Variants in MACROD2 observed in about 807,000 individuals in gnomAD.
MACROD2 encodes mono-ADP ribosylhydrolase 2, also known as ADP-ribose glycohydrolase MACROD2.
Under a neutral mutation model 70.4 loss-of-function variants are expected in MACROD2, and 36 were observed. The ratio of observed to expected loss-of-function variants is 0.51; its 90% CI spans 0.39 to 0.68. The LOEUF is 0.68. Among genes scored for constraint, MACROD2 ranks in the 30% least tolerant of loss-of-function variants. The pLI is 0.00. For missense variants in MACROD2, 496 were observed against 538.4 expected (o/e 0.92, Z 0.78); for synonymous variants, 172 against 178.8 (o/e 0.96, Z 0.30).
At chr20:15,863,927 T>C (rs1180826515) in intron 9 of MACROD2, among the ~76,000 whole-genome samples, 3 of 152,216 alleles carry the variant, frequency 2.0e-5, no homozygotes, top group African/African-American at 7.2e-5. Flanking sequence ...AATTTTATAA[T>C]TGAAAGCTGG....
intron 5 of MACROD2, among the ~76,000 whole-genome samples, chr20:15,017,310 T>C (rs890506951): frequency 1.1e-4 from 16 of 152,302 alleles, no homozygotes; most frequent in South Asian, 2.1e-4. Flanking sequence ...AGCTCCAAAA[T>C]GATCTCTTTT....
chr20:15,182,294 C>T (rs1179832446), intron 5 of MACROD2, among the ~76,000 whole-genome samples: 1 of 151,956 alleles, frequency 6.6e-6, no homozygotes, highest in African/African-American at 2.4e-5. Flanking sequence ...GTTGTTGGAG[C>T]AATAAAGCTA....
chr20:15,926,027 A>G (rs1252100855), intron 10 of MACROD2, among the ~76,000 whole-genome samples: 1 of 152,136 alleles, frequency 6.6e-6, no homozygotes, highest in African/African-American at 2.4e-5. Context: ...ATGCTGCACC[A>G]CCTTCCCAGA....
chr20:14,063,106 A>G (rs544238084), intron 2 of MACROD2, among the ~76,000 whole-genome samples: 1 of 152,306 alleles, frequency 6.6e-6, no homozygotes, highest in Non-Finnish European at 1.5e-5. Flanking sequence ...ATAGGTCTTT[A>G]TATTATAGTG....
At chr20:14,442,719 G>T (rs2084138068) in intron 3 of MACROD2, among the ~76,000 whole-genome samples, 1 of 152,006 alleles carries the variant, frequency 6.6e-6, no homozygotes, top group Admixed American at 6.6e-5. Flanking sequence ...CTATAACCTG[G>T]CCTTGCTTGG....
chr20:15,580,805 G>A (rs546820959), intron 8 of MACROD2, among the ~76,000 whole-genome samples: 2 of 152,290 alleles, frequency 1.3e-5, no homozygotes, highest in African/African-American at 2.4e-5. Context: ...TTCTTCTTAG[G>A]GGAAAGGGGA....
intron 3 of MACROD2, among the ~76,000 whole-genome samples, chr20:14,117,999 T>C (rs1224404065): frequency 6.6e-6 from 1 of 152,196 alleles, no homozygotes; most frequent in East Asian, 1.9e-4. Flanking sequence ...CTCACCGTAG[T>C]CATGATTATG....
chr20:14,773,254 A>G (rs151174710), intron 5 of MACROD2, among the ~76,000 whole-genome samples: 12 of 152,106 alleles, frequency 7.9e-5, no homozygotes, highest in Admixed American at 7.9e-4. Context: ...TGAATATCTG[A>G]TAGATGTATT....
At chr20:15,447,760 A>C (rs2046588395) in intron 7 of MACROD2, among the ~76,000 whole-genome samples, 1 of 152,138 alleles carries the variant, frequency 6.6e-6, no homozygotes, top group Non-Finnish European at 1.5e-5. Context: ...AGGACACTGG[A>C]AACATGGGGT....
At chr20:15,481,645 A>T (rs1441145999) in intron 7 of MACROD2, among the ~76,000 whole-genome samples, 1 of 152,170 alleles carries the variant, frequency 6.6e-6, no homozygotes, top group Non-Finnish European at 1.5e-5. Flanking sequence ...GCCTACTCTC[A>T]TGCTTTCGTT....
chr20:14,180,946 A>T (rs2081300338), intron 3 of MACROD2, among the ~76,000 whole-genome samples: 1 of 144,406 alleles, frequency 6.9e-6, no homozygotes, highest in African/African-American at 2.6e-5. Context: ...TCATACTTTG[A>T]CTTGGAAGAA....
intron 2 of MACROD2, among the ~76,000 whole-genome samples, chr20:14,046,508 T>C (rs950252192): frequency 2.0e-5 from 3 of 152,154 alleles, no homozygotes; most frequent in Admixed American, 6.5e-5. Context: ...AGTTTCAGTA[T>C]GCCTTTCTCC....
intron 10 of MACROD2, chr20:15,893,657 T>C (rs2147224996): frequency 2.2e-6 from 1 of 455,852 alleles, no homozygotes; most frequent in Non-Finnish European, 4.4e-6. Context: ...GTACAAACTT[T>C]TACACTTGAT....
chr20:16,036,012 A>G (rs1307018198), intron 15 of MACROD2, among the ~76,000 whole-genome samples: 1 of 152,032 alleles, frequency 6.6e-6, no homozygotes, highest in Non-Finnish European at 1.5e-5. Flanking sequence ...GTAGGAAGGA[A>G]ACATTTCTGA....
At chr20:14,227,858 A>G (rs1354513396) in intron 3 of MACROD2, among the ~76,000 whole-genome samples, 1 of 152,192 alleles carries the variant, frequency 6.6e-6, no homozygotes, top group East Asian at 1.9e-4. Flanking sequence ...ATGGTCCAGG[A>G]TTTAATCTAG....
intron 10 of MACROD2, among the ~76,000 whole-genome samples, chr20:15,921,325 C>T (rs1473538361): frequency 6.6e-6 from 1 of 152,216 alleles, no homozygotes; most frequent in Non-Finnish European, 1.5e-5. Flanking sequence ...TCCCTCTTTC[C>T]TCAACTCATC....
chr20:16,039,935 T>C (rs1238159320), intron 15 of MACROD2, among the ~76,000 whole-genome samples: 1 of 151,914 alleles, frequency 6.6e-6, no homozygotes, highest in African/African-American at 2.4e-5. Flanking sequence ...TCTACTTTCA[T>C]ACTATGAATG....
At chr20:14,298,582 AAG>A (rs1305204462) in intron 3 of MACROD2, among the ~76,000 whole-genome samples, 1 of 3,714 alleles carries the variant, frequency 2.7e-4, no homozygotes, top group African/African-American at 5.7e-4. Context: ...AAAAAAAAAA[AAG>A]AAGTGAATTT....
At chr20:14,814,260 T>C (rs1208055266) in intron 5 of MACROD2, among the ~76,000 whole-genome samples, 2 of 152,058 alleles carry the variant, frequency 1.3e-5, no homozygotes, top group Non-Finnish European at 2.9e-5. Flanking sequence ...TTCTGCCATC[T>C]CACCACTACC....
Sources: allele counts gnomAD v4.1 joint callset (sites outside exome capture counted in the v4.1 genomes callset), GRCh38; gene constraint gnomAD v4.1.1; transcripts MANE v1.5; gene names NCBI Gene and HGNC (gene_info 2026-07-23, HGNC 2026-07-21).